The following DIP2C variants were observed in gnomAD, a reference collection of about 807,000 sequenced individuals.
DIP2C encodes disco-interacting protein 2 homolog C.
In DIP2C, 33 loss-of-function variants were observed where a neutral mutation model predicts 192.4. The ratio of observed to expected loss-of-function variants is 0.17; its 90% CI spans 0.13 to 0.23. The LOEUF (loss-of-function observed/expected upper bound fraction) is 0.23, where lower values mean the gene tolerates loss of function less well. Among genes scored for constraint, DIP2C ranks in the 10% least tolerant of loss-of-function variants. The probability of loss-of-function intolerance (pLI) is 1.00; values close to 1 mark genes in which losing one functional copy is unlikely to be tolerated. For missense variants in DIP2C, 1,537 were observed against 2,110.1 expected (o/e 0.73, Z 5.32); for synonymous variants, 979 against 864.1 (o/e 1.13, Z -2.33).
chr10:648,508 C>T (rs1170928794), intron 1 of DIP2C, among the ~76,000 whole-genome samples: 1 of 151,592 alleles, frequency 6.6e-6, no homozygotes, highest in East Asian at 1.9e-4. Context: ...ACTGAGCCCA[C>T]ATCCACATTG....
Position 344,986 on chromosome 10 carries a change from C to G in DIP2C, c.3343+13G>C. ...GCCGTGAGCAAACCACCTTCTGCAG[C>G]TAAAGCACCAACCTGTGTCCAGGAT... On this transcript the variant is annotated intron_variant, in intron 27 of 36. Coordinates refer to ENST00000280886, the MANE Select transcript of DIP2C (RefSeq NM_014974.3). 6.2e-7 allele frequency: 1 copy of G among 1,610,838 alleles called. No individual in the cohort carries two copies. The highest frequency in any genetic ancestry group is 8.5e-7 in the Non-Finnish European group (1 of 1,179,034).
At chr10:615,323 C>T (rs1853384604) in intron 1 of DIP2C, among the ~76,000 whole-genome samples, 1 of 152,190 alleles carries the variant, frequency 6.6e-6, no homozygotes, top group Admixed American at 6.5e-5. Flanking sequence ...CCAAGCACTG[C>T]ATGGCTGCTT....
chr10:307,771 G>C (rs999212156), intron 32 of DIP2C, among the ~76,000 whole-genome samples: 1 of 152,250 alleles, frequency 6.6e-6, no homozygotes, highest in African/African-American at 2.4e-5. Context: ...ACGGGAGAAA[G>C]AGCGGCACAC....
chr10:480,880 G>C (rs1186145177), intron 2 of DIP2C, among the ~76,000 whole-genome samples: 1 of 152,186 alleles, frequency 6.6e-6, no homozygotes, highest in African/African-American at 2.4e-5. Flanking sequence ...ACGCGGTCTA[G>C]AAAGATTCAC....
intron 1 of DIP2C, among the ~76,000 whole-genome samples, chr10:679,814 C>T (rs895020046): frequency 6.6e-6 from 1 of 152,210 alleles, no homozygotes; most frequent in Non-Finnish European, 1.5e-5. Flanking sequence ...ATCTGCTCCT[C>T]GAGCTCCCTT....
chr10:627,260 C>CG (rs984866364), intron 1 of DIP2C, among the ~76,000 whole-genome samples: 1 of 152,222 alleles, frequency 6.6e-6, no homozygotes, highest in African/African-American at 2.4e-5. Flanking sequence ...GCAAGAAGGC[C>CG]GGACAAGGGC....
At chr10:617,663 A>AC (rs1364883668) in intron 1 of DIP2C, among the ~76,000 whole-genome samples, 3 of 69,972 alleles carry the variant, frequency 4.3e-5, no homozygotes, top group Non-Finnish European at 6.1e-5. Context: ...CCACCCCCCC[A>AC]CCCCCACCCC....
At chr10:451,411 C>T (rs1005221989) in intron 3 of DIP2C, among the ~76,000 whole-genome samples, 2 of 152,182 alleles carry the variant, frequency 1.3e-5, no homozygotes, top group African/African-American at 2.4e-5. Flanking sequence ...TGTGGTCTCT[C>T]GCAGTAAAAA....
In DIP2C at chr10:382,765, G is replaced by A. The variant is rs1962491319; in HGVS notation, c.1877-4C>T. The A allele has an allele frequency of 1.3e-6, 2 of 1,593,532 alleles. No individual in the cohort carries two copies. The highest frequency in any genetic ancestry group is 1.3e-5 in the African/African-American group (1 of 74,470). On this transcript the variant is annotated splice_polypyrimidine_tract_variant and splice_region_variant and intron_variant, in intron 16 of 36. Coordinates refer to ENST00000280886, the MANE Select transcript of DIP2C (RefSeq NM_014974.3). ...GCATCGCAAGAAGAAATAGACCCTA[G>A]AGTGAAAGAGGGACAATGATCAGAC...
At chr10:523,685 A>G (rs1217212064) in intron 1 of DIP2C, among the ~76,000 whole-genome samples, 101 of 139,552 alleles carry the variant, frequency 7.2e-4, no homozygotes, top group African/African-American at 2.1e-3. Context: ...CGATGCAGGG[A>G]CTCTGTGTCA....
intron 1 of DIP2C, among the ~76,000 whole-genome samples, chr10:569,978 T>TA (rs1487530425): frequency 6.6e-6 from 1 of 152,184 alleles, no homozygotes; most frequent in Non-Finnish European, 1.5e-5. Context: ...CCCCATGTTT[T>TA]AGGGTCCTAT....
intron 1 of DIP2C, among the ~76,000 whole-genome samples, chr10:619,664 C>T (rs1042786799): frequency 1.3e-5 from 2 of 152,068 alleles, no homozygotes; most frequent in African/African-American, 2.4e-5. Context: ...CCACACAGAC[C>T]CCAGGAATAA....
At chr10:583,975 G>A (rs530895647) in intron 1 of DIP2C, among the ~76,000 whole-genome samples, 5 of 152,138 alleles carry the variant, frequency 3.3e-5, no homozygotes, top group South Asian at 2.1e-4. Context: ...AGAGAGGCGC[G>A]GGGGCCAGGG....
intron 32 of DIP2C, among the ~76,000 whole-genome samples, chr10:295,638 GAC>G (rs1174372977): frequency 7.6e-6 from 1 of 132,088 alleles, no homozygotes; most frequent in Non-Finnish European, 1.6e-5. Context: ...TTATCAAAAA[GAC>G]AAAAAATATC....
chr10:304,774 C>T (rs1956230199), intron 32 of DIP2C, among the ~76,000 whole-genome samples: 1 of 151,922 alleles, frequency 6.6e-6, no homozygotes, highest in Admixed American at 6.5e-5. Flanking sequence ...ACTACACTCA[C>T]ACATGCAAAC....
intron 1 of DIP2C, among the ~76,000 whole-genome samples, chr10:587,418 T>A (rs1851129940): frequency 6.6e-6 from 1 of 152,222 alleles, no homozygotes; most frequent in South Asian, 2.1e-4. Flanking sequence ...CACGGATTGC[T>A]GGGCACGTGG....
chr10:677,154 C>T (rs1830904951), intron 1 of DIP2C, among the ~76,000 whole-genome samples: 1 of 152,192 alleles, frequency 6.6e-6, no homozygotes, highest in Non-Finnish European at 1.5e-5. Context: ...TGGTGGAGAC[C>T]TAACCACTTG....
At chr10:442,589 G>T (rs1481818004) in intron 3 of DIP2C, among the ~76,000 whole-genome samples, 1 of 152,134 alleles carries the variant, frequency 6.6e-6, no homozygotes, top group Non-Finnish European at 1.5e-5. Context: ...CCAGTGTAGA[G>T]AATTCCCATA....
chr10:343,017 A>C (rs537550301), intron 28 of DIP2C, among the ~76,000 whole-genome samples: 23 of 152,170 alleles, frequency 1.5e-4, no homozygotes, highest in Non-Finnish European at 2.9e-4. Flanking sequence ...CGGCTGGGCA[A>C]GGTGGCTCAC....
Sources: allele counts gnomAD v4.1 joint callset (sites outside exome capture counted in the v4.1 genomes callset), GRCh38; gene constraint gnomAD v4.1.1; transcripts MANE v1.5; gene names NCBI Gene and HGNC (gene_info 2026-07-23, HGNC 2026-07-21).